Variants in LRRC7 observed in about 807,000 individuals in gnomAD.
The protein encoded by LRRC7 is leucine-rich repeat-containing protein 7.
Under a neutral mutation model 175.7 loss-of-function variants are expected in LRRC7, and 23 were observed. That is an observed-to-expected ratio of 0.13 (90% CI 0.09 to 0.19). The LOEUF (loss-of-function observed/expected upper bound fraction) is 0.19. Among genes scored for constraint, LRRC7 ranks in the 10% least tolerant of loss-of-function variants. LRRC7 has a pLI of 1.00. For missense variants in LRRC7, 1,354 were observed against 1,904.7 expected (o/e 0.71, Z 5.38); for synonymous variants, 685 against 680.9 (o/e 1.01, Z -0.09).
chr1:69,765,518 G>GA (rs960093952), intron 3 of LRRC7, among the ~76,000 whole-genome samples: 15 of 151,930 alleles, frequency 9.9e-5, no homozygotes, highest in South Asian at 2.1e-4. Flanking sequence ...TTTAGCAATG[G>GA]AAAAAAATCA....
At chr1:69,993,529 C>CCA (rs147799973) in intron 10 of LRRC7, among the ~76,000 whole-genome samples, 21 of 151,312 alleles carry the variant, frequency 1.4e-4, no homozygotes, top group East Asian at 3.9e-4. Flanking sequence ...ATACTGTGCA[C>CCA]CACACACACA....
chr1:69,667,167 G>A (rs1351173890), intron 1 of LRRC7, among the ~76,000 whole-genome samples: 2 of 152,058 alleles, frequency 1.3e-5, no homozygotes, highest in African/African-American at 4.8e-5. Flanking sequence ...GTCAGAGAAG[G>A]TGCTTAATAT....
intron 5 of LRRC7, among the ~76,000 whole-genome samples, chr1:69,832,186 G>T (rs1452422001): frequency 6.6e-6 from 1 of 152,114 alleles, no homozygotes; most frequent in African/African-American, 2.4e-5. Context: ...ACTTTCTGGG[G>T]AACTCTGGGT....
intron 1 of LRRC7, among the ~76,000 whole-genome samples, chr1:69,620,263 A>T (rs1426736003): frequency 3.9e-5 from 2 of 50,798 alleles, no homozygotes; most frequent in African/African-American, 9.3e-5. Context: ...ATTGATAACT[A>T]TTTACATTTT....
chr1:70,143,002 T>TAAAG lies in LRRC7; in HGVS notation c.*21118_*21121dup, dbSNP rs1558102001. The TAAAG allele has an allele frequency of 6.6e-6, 1 of 152,136 alleles. No homozygotes were observed. The highest frequency in any genetic ancestry group is 1.5e-5 in the Non-Finnish European group (1 of 67,980). The allele number at this position is 152,136 out of a possible 1,614,324, so 9.4% of individuals were successfully genotyped here. On this transcript the variant is annotated 3_prime_UTR_variant, in exon 27 of 27. Coordinates refer to ENST00000651989, the MANE Select transcript of LRRC7 (RefSeq NM_001370785.2). ...GGGGCATAATCCTTTTACTACTCTA[T>TAAAG]AAAGAAGTTCTACTTCTACCTATAT...
At chr1:69,927,073 G>C (rs916441701) in intron 7 of LRRC7, among the ~76,000 whole-genome samples, 1 of 152,150 alleles carries the variant, frequency 6.6e-6, no homozygotes, top group African/African-American at 2.4e-5. Context: ...ATGAAGATTA[G>C]TTTGGCTGGA....
intron 7 of LRRC7, among the ~76,000 whole-genome samples, chr1:69,864,215 T>C (rs192420409): frequency 4.9e-4 from 75 of 152,350 alleles, no homozygotes; most frequent in African/African-American, 1.8e-3. Flanking sequence ...ATTTATTTGC[T>C]TGTTTCCCTT....
At chr1:69,726,549 T>C (rs1667001729) in intron 2 of LRRC7, among the ~76,000 whole-genome samples, 1 of 152,092 alleles carries the variant, frequency 6.6e-6, no homozygotes, top group African/African-American at 2.4e-5. Flanking sequence ...CAGGTAGCAA[T>C]ACTATGTGGG....
At chr1:70,025,714 T>G (rs1658018924) in intron 17 of LRRC7, among the ~76,000 whole-genome samples, 2 of 151,876 alleles carry the variant, frequency 1.3e-5, no homozygotes, top group Admixed American at 6.6e-5. Context: ...TAAATTTAAA[T>G]CTTCTGACTC....
intron 2 of LRRC7, among the ~76,000 whole-genome samples, chr1:69,688,271 C>A (rs1661422227): frequency 6.6e-6 from 1 of 152,138 alleles, no homozygotes; most frequent in African/African-American, 2.4e-5. Flanking sequence ...TGGAGCCACC[C>A]CTTTTCCAAT....
chr1:70,000,914 A>G (rs1043890568), intron 11 of LRRC7, among the ~76,000 whole-genome samples: 1 of 152,200 alleles, frequency 6.6e-6, no homozygotes, highest in Non-Finnish European at 1.5e-5. Context: ...AGATTTAAAT[A>G]TATCTTCCAC....
At chr1:69,638,884 T>G (rs1570103672) in intron 1 of LRRC7, among the ~76,000 whole-genome samples, 1 of 151,722 alleles carries the variant, frequency 6.6e-6, no homozygotes. Flanking sequence ...CTCCTAGTCT[T>G]TGCACTGTAC....
At chr1:69,786,103 T>C (rs1331019838) in intron 3 of LRRC7, among the ~76,000 whole-genome samples, 1 of 152,154 alleles carries the variant, frequency 6.6e-6, no homozygotes, top group Non-Finnish European at 1.5e-5. Flanking sequence ...TAAATGATGT[T>C]ATGTTTCTTG....
At position 69,792,109 on chromosome 1, in the gene LRRC7, A is replaced by C. The variant is rs1478053689; in HGVS notation, c.370A>C (p.Thr124Pro). Residue 124 changes from threonine (T) to proline (P), a missense_variant, in exon 4 of 27, where the codon ACC (threonine) becomes CCC (proline). Around this residue, in one of 4 missense-constraint regions of LRRC7, gnomAD observed 201 missense variants for 481.4 expected, o/e 0.42. Transcript: ENST00000651989. Reference protein sequence around the residue: ...IPDNDLSNLPTTIASLVNLKE... With the variant: ...IPDNDLSNLPPTIASLVNLKE... ...TGATAACGACCTTTCAAATCTGCCA[A>C]CCACTATTGCTAGTTTAGTTAATCT... is the stretch of plus-strand genomic sequence containing the variant. 2 of 1,611,042 alleles carry C rather than the reference A, an allele frequency of 1.2e-6. No individual in the cohort carries two copies. Among genetic ancestry groups the C allele is most frequent in the Non-Finnish European group, 1.7e-6 (2 of 1,177,798 alleles).
At chr1:70,102,158 A>T (rs1664847181) in intron 25 of LRRC7, among the ~76,000 whole-genome samples, 1 of 152,218 alleles carries the variant, frequency 6.6e-6, no homozygotes, top group Non-Finnish European at 1.5e-5. Context: ...TGGAGCTACT[A>T]AAGGAAGTAG....
At chr1:69,750,262 A>C (rs992400278) in intron 2 of LRRC7, among the ~76,000 whole-genome samples, 17 of 151,902 alleles carry the variant, frequency 1.1e-4, no homozygotes, top group Admixed American at 3.9e-4. Context: ...GTTCAGTAGC[A>C]CAGCAAGGAA....
intron 1 of LRRC7, among the ~76,000 whole-genome samples, chr1:69,586,991 G>GT (rs1433606101): frequency 4.7e-4 from 72 of 152,174 alleles, no homozygotes; most frequent in Non-Finnish European, 7.6e-4. Context: ...ATTTGTAGAG[G>GT]TTTTTTCTGG....
rs753569528 is a variant in LRRC7 at position 70,089,762 on chromosome 1, A to G, written c.4488A>G (p.Gly1496=). The change falls in exon 25 of 27, where the codon GGA becomes GGG. Residue 1496 remains glycine (G), a synonymous_variant. Transcript: ENST00000651989. ...CVRIEKNPGL[G]FSISGGISGQ... The stretch of plus-strand genomic sequence containing the variant: ...GAATAGAAAAGAATCCTGGCCTTGG[A>G]TTTAGTATCAGTGGTGGAATTAGTG... 65 of 1,610,380 alleles carry G rather than the reference A, an allele frequency of 4.0e-5. No individual in the cohort carries two copies. Among genetic ancestry groups the G allele is most frequent in the Non-Finnish European group, 4.8e-5 (57 of 1,177,828 alleles).
chr1:69,920,486 A>G (rs2101733929), intron 7 of LRRC7, among the ~76,000 whole-genome samples: 1 of 152,310 alleles, frequency 6.6e-6, no homozygotes, highest in South Asian at 2.1e-4. Flanking sequence ...TATCCTATAC[A>G]AAGATAAGTC....
Sources: gnomAD v4.1 joint callset for allele counts (sites outside exome capture counted in the v4.1 genomes callset) on GRCh38, gnomAD v4.1.1 for gene constraint, gnomAD v4.1.1 regional missense constraint, MANE v1.5 for transcripts, NCBI Gene and HGNC (gene_info 2026-07-23, HGNC 2026-07-21) for gene names.